Variants in TUT7 observed in about 807,000 individuals in gnomAD.
TUT7 encodes terminal uridylyl transferase 7, also known as terminal uridylyltransferase 7.
A neutral mutation model predicts 165.9 loss-of-function variants in TUT7; 33 were observed. That is an observed-to-expected ratio of 0.20 (90% confidence interval 0.15 to 0.27). TUT7 has a LOEUF of 0.27. Among genes scored for constraint, TUT7 ranks in the 10% least tolerant of loss-of-function variants. The pLI, the probability that TUT7 is intolerant of heterozygous loss-of-function variation, is 1.00. For missense variants in TUT7, 1,338 were observed against 1,762.3 expected, an observed-to-expected ratio of 0.76 and a Z score of 4.31; for synonymous variants, 552 against 608.1, an observed-to-expected ratio of 0.91 and a Z score of 1.36.
chr9:86,346,282 A>G lies in TUT7; in HGVS notation c.702+17T>C, dbSNP rs1036727002. The G allele has an allele frequency of 1.2e-6, 2 of 1,602,240 alleles. No individual in the cohort carries two copies. Among genetic ancestry groups the G allele is most frequent in the East Asian group, 2.2e-5 (1 of 44,764 alleles). On this transcript the variant is annotated intron_variant, in intron 3 of 26. Coordinates refer to ENST00000375963, the MANE Select transcript of TUT7 (RefSeq NM_024617.4). ...AACCAGGATTCTAACCAACAAATAT[A>G]TATATAAGGATGTTACCCTTTTTAG... is the stretch of plus-strand genomic sequence containing the variant.
chr9:86,320,522 T>C (rs74888932), intron 14 of TUT7, among the ~76,000 whole-genome samples: 5,701 of 152,316 alleles, frequency 0.037, 151 homozygotes, highest in Middle Eastern at 0.082. Context: ...ATTTCTCAGA[T>C]ACCTTCAATA....
At chr9:86,348,838 C>T (rs1247011228) in intron 2 of TUT7, among the ~76,000 whole-genome samples, 1 of 152,124 alleles carries the variant, frequency 6.6e-6, no homozygotes, top group Non-Finnish European at 1.5e-5. Flanking sequence ...TTACTAAAAT[C>T]CCTTCTTGGA....
At chr9:86,302,248 C>G (rs1400625876) in intron 25 of TUT7, among the ~76,000 whole-genome samples, 1 of 152,138 alleles carries the variant, frequency 6.6e-6, no homozygotes, top group African/African-American at 2.4e-5. Context: ...CTCTTGCCCC[C>G]CAATAAACGC....
chr9:86,305,180 G>C lies in TUT7; in HGVS notation c.3886+12C>G, dbSNP rs746877808. 1.5e-5 allele frequency: 24 copies of C among 1,590,418 alleles called. No homozygotes were observed. The highest frequency in any genetic ancestry group is 1.7e-4 in the Middle Eastern group (1 of 5,916). ...AAAATAAAAAATAAAATTGACAAAC[G>C]AAGTAACTCACTTTTCCTTGATAAT... On this transcript the variant is annotated intron_variant, in intron 23 of 26. Coordinates refer to ENST00000375963, the MANE Select transcript of TUT7 (RefSeq NM_024617.4).
In TUT7 at chr9:86,315,635, C is replaced by T. The variant is rs918733079; in HGVS notation, c.3274+1584G>A. 3.3e-5 allele frequency among the ~76,000 whole-genome samples: 5 copies of T among 152,102 alleles called. 1 individual carries two copies. Among genetic ancestry groups the T allele is most frequent in the Admixed American group, 3.3e-4 (5 of 15,266 alleles). On this transcript the variant is annotated intron_variant, in intron 17 of 26. Coordinates refer to ENST00000375963, the MANE Select transcript of TUT7 (RefSeq NM_024617.4). ...AACTTAGTACTTCAGTTTCTTTGCA[C>T]GACCTTCAAAACAAAACAAAACAAA... is the stretch of plus-strand genomic sequence containing the variant.
At chr9:86,303,613 GA>G (rs1355546263) in intron 24 of TUT7, among the ~76,000 whole-genome samples, 1 of 151,734 alleles carries the variant, frequency 6.6e-6, no homozygotes, top group African/African-American at 2.4e-5. Context: ...TTGAAGAAAA[GA>G]AAAAAAACTA....
At chr9:86,307,961 T>C (rs1000956408) in intron 22 of TUT7, among the ~76,000 whole-genome samples, 3 of 152,092 alleles carry the variant, frequency 2.0e-5, no homozygotes, top group Non-Finnish European at 4.4e-5. Context: ...GCTACTGCAC[T>C]CCAGCCTGGG....
Position 86,348,416 on chromosome 9 carries a change from C to T in TUT7, c.521-1936G>A, listed in dbSNP as rs944276821. Reference sequence around the variant, plus strand: ...TCCAAGAGAATAACTTCTCCAAGAACACATGGCTAAATCAAAGTAAAGGGA... The same window carrying T: ...TCCAAGAGAATAACTTCTCCAAGAATACATGGCTAAATCAAAGTAAAGGGA... On this transcript the variant is annotated intron_variant, in intron 2 of 26. Transcript: ENST00000375963. Among the ~76,000 whole-genome samples the T allele has an allele frequency of 3.3e-5, 5 of 152,294 alleles. No homozygotes were observed. The South Asian group carries it at 6.2e-4, about 19-fold the overall frequency.
chr9:86,352,440 C>T (rs148117448), intron 2 of TUT7: 25 of 585,452 alleles, frequency 4.3e-5, no homozygotes, highest in African/African-American at 2.0e-4. Flanking sequence ...TGTTTACTGA[C>T]GTAAAGTGAG....
Position 86,353,099 on chromosome 9 carries a change from A to T in TUT7, c.101T>A (p.Leu34Ter), listed in dbSNP as rs1359597267. 2 of 1,613,974 alleles carry T rather than the reference A, an allele frequency of 1.2e-6. No homozygotes were observed. The change falls in exon 2 of 27, where the codon TTA (leucine) becomes TAA (stop). Residue 34 changes from leucine (L) to a stop codon, truncating the protein, a stop_gained. Coordinates refer to ENST00000375963, the MANE Select transcript of TUT7 (RefSeq NM_024617.4). LOFTEE classifies it high-confidence loss of function. ...FRRGHPQQDY[L>*]IIDDHAKGHG... ...GCCTTTAGCATGGTCATCTATTATT[A>T]AATAATCTTGTTGGGGGTGACCCCT...
intron 2 of TUT7, among the ~76,000 whole-genome samples, chr9:86,352,129 G>A (rs1430205314): frequency 6.6e-6 from 1 of 151,804 alleles, no homozygotes; most frequent in Non-Finnish European, 1.5e-5. Flanking sequence ...TGTTTGTCAC[G>A]ATCCCTTTTG....
chr9:86,292,361 T>C (rs1312429291), intron 26 of TUT7, among the ~76,000 whole-genome samples: 2 of 151,414 alleles, frequency 1.3e-5, no homozygotes, highest in African/African-American at 4.9e-5. Context: ...CCCAGCTACT[T>C]GGGAGGCTGA....
chr9:86,333,051 A>T (rs79030114), intron 10 of TUT7, among the ~76,000 whole-genome samples: 2,291 of 152,222 alleles, frequency 0.015, 22 homozygotes, highest in Non-Finnish European at 0.024. Flanking sequence ...CTTTCTGAGT[A>T]ATTCTGGATT....
intron 10 of TUT7, among the ~76,000 whole-genome samples, chr9:86,335,596 A>G (rs942417209): frequency 1.3e-5 from 2 of 152,206 alleles, no homozygotes; most frequent in African/African-American, 2.4e-5. Flanking sequence ...GCACTACTAC[A>G]ATGACTAGTA....
chr9:86,291,563 A>C, intron 26 of TUT7, among the ~76,000 whole-genome samples: 2 of 140,990 alleles, frequency 1.4e-5, no homozygotes, highest in Non-Finnish European at 3.1e-5. Flanking sequence ...CAAGAGCGAA[A>C]CTCCATCTCA....
In TUT7 at chr9:86,309,487, T is replaced by C; in HGVS notation, c.3558A>G (p.Pro1186=). ...MVLYFLQQRN[P]PVIPVLQEIY... ...CCTCTTGAAGGACAGGAATGACTGG[T>C]GGATTCCTCTGCTGGAGAAAATATA... The change falls in exon 20 of 27, where the codon CCA becomes CCG. Residue 1186 remains proline, a synonymous_variant. Coordinates refer to ENST00000375963, the MANE Select transcript of TUT7 (RefSeq NM_024617.4). The C allele has an allele frequency of 6.2e-7, 1 of 1,612,274 alleles. No homozygotes were observed. The highest frequency in any genetic ancestry group is 8.5e-7 in the Non-Finnish European group (1 of 1,179,410).
intron 18 of TUT7, among the ~76,000 whole-genome samples, chr9:86,310,419 T>G (rs1827940060): frequency 6.6e-6 from 1 of 151,534 alleles, no homozygotes; most frequent in Non-Finnish European, 1.5e-5. Flanking sequence ...ATCTAGAAAA[T>G]AAGGGCTGGT....
intron 2 of TUT7, among the ~76,000 whole-genome samples, chr9:86,348,053 A>G (rs1745071475): frequency 6.6e-6 from 1 of 152,244 alleles, no homozygotes; most frequent in Admixed American, 6.5e-5. Context: ...CCCTTTAGAA[A>G]AGCCCCTATT....
At chr9:86,308,334 C>A in intron 22 of TUT7, 95 bp downstream of exon 22, 1 of 1,179,016 alleles carries the variant, frequency 8.5e-7, no homozygotes, top group Non-Finnish European at 1.2e-6. Flanking sequence ...CTGCACACCC[C>A]AAGCAGCTGG....
Sources: gnomAD v4.1 joint callset for allele counts (sites outside exome capture counted in the v4.1 genomes callset) on GRCh38, gnomAD v4.1.1 for gene constraint, MANE v1.5 for transcripts, NCBI Gene and HGNC (gene_info 2026-07-23, HGNC 2026-07-21) for gene names.